The following ZC3H12B variants were observed in gnomAD, a reference collection of about 807,000 sequenced individuals.
The protein encoded by ZC3H12B is zinc finger CCCH-type containing 12B, also known as probable ribonuclease ZC3H12B.
Under a neutral mutation model 43.9 loss-of-function variants are expected in ZC3H12B, and 7 were observed. The ratio of observed to expected loss-of-function variants is 0.16; its 90% CI spans 0.09 to 0.30. The LOEUF (loss-of-function observed/expected upper bound fraction) is 0.30. Among genes scored for constraint, ZC3H12B ranks in the 10% least tolerant of loss-of-function variants. The probability of loss-of-function intolerance (pLI) is 1.00; values close to 1 mark genes in which losing one functional copy is unlikely to be tolerated. For synonymous variants in ZC3H12B, 222 were observed against 241.7 expected (o/e 0.92, Z 0.76); for missense variants, 475 against 670.2 (o/e 0.71, Z 3.22).
At chrX:65,162,905 C>T in the ZC3H12B span, among the ~76,000 whole-genome samples, 2 of 111,731 alleles carry the variant, frequency 1.8e-5, no homozygotes, top group African/African-American at 3.3e-5. Context: ...GTTTTATCTA[C>T]TTTTGTTCTT....
At chrX:65,493,862 CT>C (rs1382292870) in intron 1 of ZC3H12B, among the ~76,000 whole-genome samples, 2 of 110,844 alleles carry the variant, frequency 1.8e-5, no homozygotes, top group East Asian at 2.8e-4. Flanking sequence ...TTATTTTCCT[CT>C]TTTTTTTCAA....
intron 2 of ZC3H12B, among the ~76,000 whole-genome samples, chrX:65,380,659 T>G (rs1010745378): frequency 8.9e-6 from 1 of 111,768 alleles, no homozygotes; most frequent in Non-Finnish European, 1.9e-5. Context: ...AGACACAGAC[T>G]GGCAAACTGG....
intron 3 of ZC3H12B, among the ~76,000 whole-genome samples, chrX:65,466,731 T>C (rs953083262): frequency 9.5e-6 from 1 of 105,082 alleles, no homozygotes; most frequent in Admixed American, 1.1e-4. Flanking sequence ...CCAAAACTTG[T>C]TGTAGTTCAT....
chrX:65,443,148 A>C (rs891913736), intron 3 of ZC3H12B, among the ~76,000 whole-genome samples: 1 of 111,627 alleles, frequency 9.0e-6, no homozygotes, highest in South Asian at 3.8e-4. Flanking sequence ...ATCAGTGTGA[A>C]AAAGTTCCAA....
At chrX:65,167,801 A>G in the ZC3H12B span, among the ~76,000 whole-genome samples, 1 of 111,647 alleles carries the variant, frequency 9.0e-6, no homozygotes, top group Non-Finnish European at 1.9e-5. Flanking sequence ...CTTTGAAGCA[A>G]TTGTGAATGT....
chrX:65,233,767 C>T, the ZC3H12B span, among the ~76,000 whole-genome samples: 2 of 109,897 alleles, frequency 1.8e-5, no homozygotes, highest in African/African-American at 3.3e-5. Context: ...GAAATTGAGA[C>T]AAAAAATAGG....
chrX:65,127,598 A>T, the ZC3H12B span, among the ~76,000 whole-genome samples: 1 of 110,915 alleles, frequency 9.0e-6, no homozygotes, highest in Non-Finnish European at 1.9e-5. Flanking sequence ...AGAGATTATG[A>T]TCTTTGTCTT....
the ZC3H12B span, among the ~76,000 whole-genome samples, chrX:65,212,802 C>T: frequency 3.2e-4 from 33 of 102,007 alleles, no homozygotes; most frequent in Middle Eastern, 5.0e-3. Context: ...ATGAGAACAT[C>T]GACTATATCT....
At position 65,466,724 on chromosome X, in the gene ZC3H12B, A is replaced by G. The variant is rs941945956; in HGVS notation, n.408-21922A>G. On this transcript the variant is annotated intron_variant and non_coding_transcript_variant, in intron 3 of 5. Transcript: ENST00000617377. ...TTCTCTTTTCTTCACTTCCTGCCCAAAACTTGTTGTAGTTCATCATACTGA... is the reference window on the plus strand; with the variant it reads ...TTCTCTTTTCTTCACTTCCTGCCCAGAACTTGTTGTAGTTCATCATACTGA... Among the ~76,000 whole-genome samples, 19 of 104,665 alleles carry G rather than the reference A, an allele frequency of 1.8e-4. No homozygotes were observed. The Admixed American group carries it at 1.9e-3, about 11-fold the overall frequency. The allele number at this position is 104,665 out of a possible 115,157, so 90.9% of individuals were successfully genotyped here.
the ZC3H12B span, among the ~76,000 whole-genome samples, chrX:65,157,815 A>T: frequency 3.7e-5 from 4 of 107,581 alleles, no homozygotes; most frequent in Non-Finnish European, 7.7e-5. Context: ...GGACATGTGC[A>T]CAATATGCAG....
upstream of ZC3H12B, among the ~76,000 whole-genome samples, chrX:65,361,642 G>A (rs1347812824): frequency 9.0e-6 from 1 of 110,500 alleles, no homozygotes; most frequent in South Asian, 3.9e-4. Flanking sequence ...CCCAGCTCAT[G>A]TCCCATTTGG....
the ZC3H12B span, among the ~76,000 whole-genome samples, chrX:65,094,817 G>T: frequency 2.7e-5 from 3 of 112,145 alleles, no homozygotes; most frequent in Non-Finnish European, 5.6e-5. Flanking sequence ...TACACATAAA[G>T]CATGTCTGCA....
the ZC3H12B span, among the ~76,000 whole-genome samples, chrX:65,310,384 G>A: frequency 9.0e-6 from 1 of 111,510 alleles, no homozygotes; most frequent in African/African-American, 3.3e-5. Flanking sequence ...CAAATCATGA[G>A]TGAACTCCCA....
chrX:65,386,423 T>C (rs911361284), intron 2 of ZC3H12B, among the ~76,000 whole-genome samples: 2 of 111,967 alleles, frequency 1.8e-5, no homozygotes, highest in African/African-American at 6.5e-5. Flanking sequence ...GATTTTCTAG[T>C]TTGTTTGCGT....
chrX:65,178,880 T>C, the ZC3H12B span, among the ~76,000 whole-genome samples: 1 of 112,170 alleles, frequency 8.9e-6, no homozygotes, highest in Admixed American at 9.4e-5. Context: ...GAACCAGAAG[T>C]ACCTTTGACC....
At chrX:65,380,285 A>T (rs2066417815) in intron 2 of ZC3H12B, among the ~76,000 whole-genome samples, 1 of 112,132 alleles carries the variant, frequency 8.9e-6, no homozygotes, top group Non-Finnish European at 1.9e-5. Flanking sequence ...AAGCCAGAAG[A>T]GAGTGGGGGC....
Position 65,461,630 on chromosome X carries a change from C to T in ZC3H12B, n.408-27016C>T, listed in dbSNP as rs928464831. Reference sequence around the variant, plus strand: ...AAAAACCAAACACCAAATGTTCTCACTCATATGTGGGAATTGAACAATGAG... The same window carrying T: ...AAAAACCAAACACCAAATGTTCTCATTCATATGTGGGAATTGAACAATGAG... On this transcript the variant is annotated intron_variant and non_coding_transcript_variant, in intron 3 of 5. Coordinates refer to the ZC3H12B transcript ENST00000617377. Among the ~76,000 whole-genome samples the T allele has an allele frequency of 2.7e-5, 3 of 111,413 alleles. No homozygotes were observed. In the Admixed American group the frequency reaches 2.9e-4, roughly 11 times the overall value.
chrX:65,169,151 G>A, the ZC3H12B span, among the ~76,000 whole-genome samples: 1 of 111,377 alleles, frequency 9.0e-6, no homozygotes, highest in Non-Finnish European at 1.9e-5. Context: ...GATCTTTCCT[G>A]CTTTCTCTCG....
chrX:65,300,382 C>T, the ZC3H12B span, among the ~76,000 whole-genome samples: 1 of 111,570 alleles, frequency 9.0e-6, no homozygotes, highest in Non-Finnish European at 1.9e-5. Flanking sequence ...GGTGAGGCCT[C>T]TCCTGGCTTT....
Sources: gnomAD v4.1 joint callset for allele counts (sites outside exome capture counted in the v4.1 genomes callset) on GRCh38, gnomAD v4.1.1 for gene constraint, MANE v1.5 for transcripts, NCBI Gene and HGNC (gene_info 2026-07-23, HGNC 2026-07-21) for gene names.